DNAJC13: variants seen among roughly 807,000 people sequenced by gnomAD.
DNAJC13 encodes DnaJ heat shock protein family (Hsp40) member C13.
In DNAJC13, 75 loss-of-function variants were observed where a neutral mutation model predicts 290.5. The observed-to-expected ratio is 0.26, with a 90% confidence interval of 0.21 to 0.31. DNAJC13 has a LOEUF of 0.31. Ranked by LOEUF, DNAJC13 falls within the 10% of genes least tolerant of loss-of-function variation. DNAJC13 has a pLI of 1.00. For synonymous variants in DNAJC13, 862 were observed against 892.0 expected (o/e 0.97, Z 0.60); for missense variants, 2,260 against 2,674.5 (o/e 0.85, Z 3.42).
chr3:132,498,479 G>A (rs143252873), intron 36 of DNAJC13, among the ~76,000 whole-genome samples: 89 of 152,228 alleles, frequency 5.8e-4, no homozygotes, highest in African/African-American at 2.1e-3. Context: ...ACAAAGATCA[G>A]CATAGAAAGT....
intron 1 of DNAJC13, among the ~76,000 whole-genome samples, chr3:132,428,998 G>A (rs1389226096): frequency 6.6e-6 from 1 of 152,194 alleles, no homozygotes; most frequent in African/African-American, 2.4e-5. Context: ...CTCCCAAAGT[G>A]CCAGGATTAC....
At chr3:132,437,700 G>A (rs1939417273) in intron 2 of DNAJC13, among the ~76,000 whole-genome samples, 1 of 151,984 alleles carries the variant, frequency 6.6e-6, no homozygotes, top group South Asian at 2.1e-4. Flanking sequence ...GTACCATATT[G>A]TCTTGATTAT....
At chr3:132,432,219 G>C (rs1939259486) in intron 1 of DNAJC13, among the ~76,000 whole-genome samples, 1 of 151,618 alleles carries the variant, frequency 6.6e-6, no homozygotes, top group Non-Finnish European at 1.5e-5. Context: ...TTTTTTTGGG[G>C]GGGGACAGAG....
At chr3:132,470,433 AC>A (rs1934160781) in intron 20 of DNAJC13, among the ~76,000 whole-genome samples, 1 of 102,870 alleles carries the variant, frequency 9.7e-6, no homozygotes, top group Non-Finnish European at 1.9e-5. Context: ...TCTTTTCCCC[AC>A]CTTTCCTGCC....
At position 132,516,500 on chromosome 3, in the gene DNAJC13, AT is replaced by A. The variant is rs1363754545; in HGVS notation, c.5560+5del. The A allele has an allele frequency of 3.1e-6, 5 of 1,613,412 alleles. No individual in the cohort carries two copies. In the East Asian group the frequency reaches 6.7e-5, roughly 22 times the overall value. On this transcript the variant is annotated splice_donor_5th_base_variant and intron_variant, in intron 47 of 55. Coordinates refer to ENST00000260818, the MANE Select transcript of DNAJC13 (RefSeq NM_015268.4). ...ATCAAAGAAGCAATGGCAAAGGGTA[AT>A]GTATAGAGTGCTTTCTTAGCTAGTC... is the stretch of plus-strand genomic sequence containing the variant.
intron 22 of DNAJC13, among the ~76,000 whole-genome samples, chr3:132,475,504 G>A (rs1934440904): frequency 6.6e-6 from 1 of 151,942 alleles, no homozygotes; most frequent in African/African-American, 2.4e-5. Context: ...ATATTGATGT[G>A]AAGAGCAGGA....
intron 1 of DNAJC13, among the ~76,000 whole-genome samples, chr3:132,425,148 G>T (rs1490766463): frequency 6.6e-6 from 1 of 151,990 alleles, no homozygotes; most frequent in Non-Finnish European, 1.5e-5. Context: ...GCCAATATAA[G>T]ATATTCTATC....
chr3:132,515,808 A>G (rs1935902775), intron 46 of DNAJC13, among the ~76,000 whole-genome samples: 1 of 152,188 alleles, frequency 6.6e-6, no homozygotes, highest in Non-Finnish European at 1.5e-5. Flanking sequence ...TGTTGTTTTC[A>G]TCTCAGCCTA....
At chr3:132,427,080 TGTGTGTGTGTGTGTGTGTGTGTGCAC>T (rs1300350395) in intron 1 of DNAJC13, among the ~76,000 whole-genome samples, 5 of 75,620 alleles carry the variant, frequency 6.6e-5, no homozygotes, top group African/African-American at 3.2e-4. Flanking sequence ...TACATATGTG[TGTGTGTGTGTGTGTGTGTGTGTGCAC>T]GTGTGTGTGT....
intron 20 of DNAJC13, among the ~76,000 whole-genome samples, chr3:132,471,126 C>T (rs1364735043): frequency 7.3e-6 from 1 of 136,170 alleles, no homozygotes; most frequent in African/African-American, 2.7e-5. Context: ...GCTGACCCCC[C>T]CATCTCCCTC....
chr3:132,526,278 A>T lies in DNAJC13; in HGVS notation c.6378A>T (p.Ala2126=), dbSNP rs1427191318. 1 of 1,613,820 alleles carries T rather than the reference A, an allele frequency of 6.2e-7. No homozygotes were observed. The highest frequency in any genetic ancestry group is 8.5e-7 in the Non-Finnish European group (1 of 1,179,888). The part of the protein sequence containing the change: ...MFQKEQSELV[A]QALKADLVPY... ...AGAAGGAGCAGAGTGAATTAGTAGC[A>T]CAAGTAAGTGACTTTCTAGATTTAG... Residue 2126 remains alanine (A), a synonymous_variant, in exon 53 of 56, where the codon GCA becomes GCT. Transcript: ENST00000260818.
rs1935384406 is a variant in DNAJC13, at chr3:132,500,820, C to T, written c.4443C>T (p.Tyr1481=). The T allele has an allele frequency of 1.2e-6, 2 of 1,613,982 alleles. No homozygotes were observed. The highest frequency in any genetic ancestry group is 4.5e-5 in the East Asian group (2 of 44,862). Residue 1481 remains tyrosine (Y), a synonymous_variant, in exon 39 of 56, where the codon TAC becomes TAT. Transcript: ENST00000260818. ...TGTGTGGATACATAAGTAAATGCTA[C>T]AGTGTGGCTGCTCAGTTTGAGGAAT... The part of the protein sequence containing the change: ...VQVCGYISKC[Y]SVAAQFEECR...
chr3:132,499,330 G>T lies in DNAJC13; in HGVS notation c.4341+20G>T. 6.4e-7 allele frequency: 1 copy of T among 1,557,968 alleles called. No homozygotes were observed. The highest frequency in any genetic ancestry group is 1.2e-5 in the South Asian group (1 of 83,938). ...CTAGAGGTAATACGGAGTGACCTTT[G>T]TGCTTTTTAAGCCAGTTTACACACA... On this transcript the variant is annotated intron_variant, in intron 37 of 55. Coordinates refer to ENST00000260818, the MANE Select transcript of DNAJC13 (RefSeq NM_015268.4).
Position 132,526,277 on chromosome 3 carries a change from C to A in DNAJC13, c.6377C>A (p.Ala2126Glu), listed in dbSNP as rs745542287. 1 of 1,613,774 alleles carries A rather than the reference C, an allele frequency of 6.2e-7. No homozygotes were observed. Among genetic ancestry groups the A allele is most frequent in the Non-Finnish European group, 8.5e-7 (1 of 1,179,816 alleles). Residue 2126 changes from alanine to glutamate, a missense_variant, in exon 53 of 56, where the codon GCA becomes GAA. Coordinates refer to ENST00000260818, the MANE Select transcript of DNAJC13 (RefSeq NM_015268.4). ...MFQKEQSELV[A>E]QALKADLVPY... ...CAGAAGGAGCAGAGTGAATTAGTAGCACAAGTAAGTGACTTTCTAGATTTA... is the reference window on the plus strand; with the variant it reads ...CAGAAGGAGCAGAGTGAATTAGTAGAACAAGTAAGTGACTTTCTAGATTTA...
intron 55 of DNAJC13, among the ~76,000 whole-genome samples, chr3:132,536,558 A>G (rs765012511): frequency 1.3e-5 from 2 of 152,226 alleles, no homozygotes; most frequent in Non-Finnish European, 2.9e-5. Flanking sequence ...AGTTGAGCCC[A>G]CAATCAGAAT....
chr3:132,459,294 T>A (rs1352389611), intron 13 of DNAJC13, among the ~76,000 whole-genome samples: 16 of 152,174 alleles, frequency 1.1e-4, no homozygotes, highest in Non-Finnish European at 2.2e-4. Context: ...TTTTGCAACA[T>A]GGATGAACCT....
At chr3:132,476,370 A>G (rs1036184963) in intron 22 of DNAJC13, among the ~76,000 whole-genome samples, 2 of 152,136 alleles carry the variant, frequency 1.3e-5, no homozygotes, top group Admixed American at 1.3e-4. Context: ...ATTACCTTTT[A>G]TATCAAGTTT....
chr3:132,473,444 T>G (rs536604347), intron 21 of DNAJC13, among the ~76,000 whole-genome samples: 2 of 152,324 alleles, frequency 1.3e-5, no homozygotes, highest in Non-Finnish European at 2.9e-5. Context: ...AAAATTACAT[T>G]AAAGACTTTA....
intron 20 of DNAJC13, among the ~76,000 whole-genome samples, chr3:132,471,864 A>T (rs1934277694): frequency 2.0e-5 from 3 of 147,090 alleles, no homozygotes; most frequent in African/African-American, 7.3e-5. Context: ...CAGAGGCTGC[A>T]ATCTCGGCAC....
Sources: allele counts gnomAD v4.1 joint callset (sites outside exome capture counted in the v4.1 genomes callset), GRCh38; gene constraint gnomAD v4.1.1; transcripts MANE v1.5; gene names NCBI Gene and HGNC (gene_info 2026-07-23, HGNC 2026-07-21).